The following PCNX4 variants were observed in gnomAD, a reference collection of about 807,000 sequenced individuals.
PCNX4 encodes pecanex-like protein 4.
Under a neutral mutation model 107.2 loss-of-function variants are expected in PCNX4, and 103 were observed. That is an observed-to-expected ratio of 0.96 (90% confidence interval 0.82 to 1.13). The LOEUF is 1.13. Among genes scored for constraint, PCNX4 ranks in the 50% most tolerant of loss-of-function variants. The pLI, the probability that PCNX4 is intolerant of heterozygous loss-of-function variation, is 0.00. For synonymous variants in PCNX4, 541 were observed against 481.7 expected (o/e 1.12, Z -1.61); for missense variants, 1,528 against 1,379.4 (o/e 1.11, Z -1.71).
At position 60,124,867 on chromosome 14, in the gene PCNX4, T is replaced by C. The variant is rs1213063833; in HGVS notation, c.2696T>C (p.Leu899Pro). The stretch of plus-strand genomic sequence containing the variant: ...CAAGAGGACATGCCATATATTCCTC[T>C]CATGGAGTTCAGTTGTTCACATTCT... Reference protein sequence around the residue: ...GKQEDMPYIPLMEFSCSHSHL... With the variant: ...GKQEDMPYIPPMEFSCSHSHL... Residue 899 changes from leucine to proline, a missense_variant, in exon 9 of 11, where the codon CTC (leucine) becomes CCC (proline). Physicochemically the swap from Leu to Pro is moderately conservative, Grantham distance 98. Coordinates refer to ENST00000406854, the MANE Select transcript of PCNX4 (RefSeq NM_001330177.2). 6 of 1,613,716 alleles carry C rather than the reference T, an allele frequency of 3.7e-6. No individual in the cohort carries two copies. Among genetic ancestry groups the C allele is most frequent in the Admixed American group, 1.7e-5 (1 of 59,986 alleles).
At chr14:60,096,640 T>G (rs1381430980) in intron 1 of PCNX4, among the ~76,000 whole-genome samples, 1 of 152,208 alleles carries the variant, frequency 6.6e-6, no homozygotes, top group African/African-American at 2.4e-5. Flanking sequence ...AATAAATAAC[T>G]GATCATTGGC....
At position 60,139,030 on chromosome 14, in the gene PCNX4, G is replaced by A. The variant is rs1896274303; in HGVS notation, c.*4809G>A. 1 of 151,938 alleles carries A rather than the reference G, an allele frequency of 6.6e-6. No individual in the cohort carries two copies. Among genetic ancestry groups the A allele is most frequent in the Non-Finnish European group, 1.5e-5 (1 of 67,922 alleles). 9.4% of individuals were successfully genotyped at this position (151,938 alleles called of 1,614,324 possible). A position where few individuals can be genotyped will look rare whatever the true frequency, so the allele number is the denominator to read the frequency against. Reference sequence around the variant, plus strand: ...ATCGTAGAACTACAAAGCTAATACAGGGCTAAAGTGGAATAATAAGGCAAA... The same window carrying A: ...ATCGTAGAACTACAAAGCTAATACAAGGCTAAAGTGGAATAATAAGGCAAA... On this transcript the variant is annotated 3_prime_UTR_variant, in exon 11 of 11. Coordinates refer to ENST00000406854, the MANE Select transcript of PCNX4 (RefSeq NM_001330177.2).
At chr14:60,101,392 A>G (rs187288956) in intron 1 of PCNX4, among the ~76,000 whole-genome samples, 14 of 152,182 alleles carry the variant, frequency 9.2e-5, no homozygotes, top group African/African-American at 2.9e-4. Flanking sequence ...TTCATCAACA[A>G]TTTCATAAAA....
chr14:60,102,587 G>C (rs932023332), intron 1 of PCNX4, among the ~76,000 whole-genome samples: 1 of 152,138 alleles, frequency 6.6e-6, no homozygotes, highest in African/African-American at 2.4e-5. Context: ...TGGCTATTTT[G>C]TTGGCCCACT....
Position 60,118,517 on chromosome 14 carries a change from C to G in PCNX4, c.1767C>G (p.Pro589=). 6.2e-7 allele frequency: 1 copy of G among 1,613,818 alleles called. No individual in the cohort carries two copies. The highest frequency in any genetic ancestry group is 8.5e-7 in the Non-Finnish European group (1 of 1,179,838). The part of the protein sequence containing the change: ...IIVFSTLLSS[P]LLPLFTLPVF... ...TTTTTTCTACACTACTCTCTTCTCCCTTACTCCCTCTTTTCACCCTTCCTG... is the reference window on the plus strand; with the variant it reads ...TTTTTTCTACACTACTCTCTTCTCCGTTACTCCCTCTTTTCACCCTTCCTG... Residue 589 remains proline (P), a synonymous_variant, in exon 7 of 11, where the codon CCC becomes CCG. Coordinates refer to ENST00000406854, the MANE Select transcript of PCNX4 (RefSeq NM_001330177.2).
chr14:60,123,158 A>G (rs1277649999), intron 8 of PCNX4, among the ~76,000 whole-genome samples: 1 of 152,138 alleles, frequency 6.6e-6, no homozygotes, highest in Non-Finnish European at 1.5e-5. Context: ...TTTAAAAATG[A>G]TATGGTTTAA....
chr14:60,115,580 A>G, intron 4 of PCNX4, 119 bp downstream of exon 4: 2 of 1,391,574 alleles, frequency 1.4e-6, no homozygotes, highest in Non-Finnish European at 1.9e-6. Context: ...TTGTTCTTTT[A>G]TGTTATGGTT....
Position 60,136,216 on chromosome 14 carries a change from T to G in PCNX4, c.*1995T>G, listed in dbSNP as rs965947420. The G allele has an allele frequency of 2.0e-5, 3 of 152,244 alleles. No homozygotes were observed. The highest frequency in any genetic ancestry group is 7.2e-5 in the African/African-American group (3 of 41,464). The allele number at this position is 152,244 out of a possible 1,614,324, so 9.4% of individuals were successfully genotyped here. A position where few individuals can be genotyped will look rare whatever the true frequency, so the allele number is the denominator to read the frequency against. ...TCCTTGAAGCAGCTTTTGTGTTTTC[T>G]TTTGAACTTTCCTGACACTACATTA... On this transcript the variant is annotated 3_prime_UTR_variant, in exon 11 of 11. Transcript: ENST00000406854.
rs1896352753 is a variant in PCNX4 at position 60,144,695 on chromosome 14, A to C, written c.*10474A>C. 2 of 333,378 alleles carry C rather than the reference A, an allele frequency of 6.0e-6. No individual in the cohort carries two copies. The highest frequency in any genetic ancestry group is 1.4e-4 in the East Asian group (2 of 14,268). The allele number at this position is 333,378 out of a possible 1,614,324, so 20.7% of individuals were successfully genotyped here. ...TAGCAGCACAAATGGACTAAGACAA[A>C]TCTGTTAACTTAGATTTTAAGCATA... On this transcript the variant is annotated 3_prime_UTR_variant, in exon 11 of 11. Transcript: ENST00000406854.
rs953651299 is a variant in PCNX4 at position 60,142,787 on chromosome 14, A to C, written c.*8566A>C. 1 of 152,042 alleles carries C rather than the reference A, an allele frequency of 6.6e-6. No homozygotes were observed. The highest frequency in any genetic ancestry group is 1.5e-5 in the Non-Finnish European group (1 of 68,144). 9.4% of individuals were successfully genotyped at this position (152,042 alleles called of 1,614,324 possible). ...AGACCAGCCTGGCCAACATGGTGAA[A>C]CCCCCGTCTCTACTAAAAATACAAA... On this transcript the variant is annotated 3_prime_UTR_variant, in exon 11 of 11. Transcript: ENST00000406854. The surrounding 1 kb of genome is among the most constrained non-coding windows in gnomAD (Gnocchi z 4.7).
At chr14:60,097,633 G>C (rs2140528211) in intron 1 of PCNX4, among the ~76,000 whole-genome samples, 1 of 152,236 alleles carries the variant, frequency 6.6e-6, no homozygotes, top group South Asian at 2.1e-4. Context: ...CCTAGTAAGA[G>C]ACTGCTGAAA....
At chr14:60,123,406 T>A (rs1018006417) in intron 8 of PCNX4, among the ~76,000 whole-genome samples, 2 of 152,056 alleles carry the variant, frequency 1.3e-5, no homozygotes, top group African/African-American at 4.8e-5. Context: ...TCAGAGAGGG[T>A]AGGTGACCTG....
chr14:60,145,228 T>A lies in PCNX4; in HGVS notation c.*11007T>A. On this transcript the variant is annotated 3_prime_UTR_variant, in exon 11 of 11. Coordinates refer to ENST00000406854, the MANE Select transcript of PCNX4 (RefSeq NM_001330177.2). This position sits in a 1 kb window ranked among gnomAD's most constrained non-coding sequence, Gnocchi z 4.0. The stretch of plus-strand genomic sequence containing the variant: ...CTTCTAATGAGTTTAGCATCATCTC[T>A]GGTTTAGAGGAGGTATAAATAGCAT... The A allele has an allele frequency of 2.5e-6, 1 of 401,010 alleles. No homozygotes were observed. The highest frequency in any genetic ancestry group is 4.0e-5 in the East Asian group (1 of 24,880). The allele number at this position is 401,010 out of a possible 1,614,324, so 24.8% of individuals were successfully genotyped here.
rs1346886810 is a variant in PCNX4 at position 60,124,386 on chromosome 14, G to A, written c.2215G>A (p.Ala739Thr). Residue 739 changes from alanine (A) to threonine (T), a missense_variant, in exon 9 of 11, where the codon GCC becomes ACC. Transcript: ENST00000406854. Reference protein sequence around the residue: ...TVLPVKLYSDARNVLSGIIDS... With the variant: ...TVLPVKLYSDTRNVLSGIIDS... ...TTTGCCTGTGAAATTGTATTCTGAT[G>A]CCAGGAATGTTCTATCAGGCATAAT... 19 of 1,613,408 alleles carry A rather than the reference G, an allele frequency of 1.2e-5. No individual in the cohort carries two copies. Among genetic ancestry groups the A allele is most frequent in the Non-Finnish European group, 1.5e-5 (18 of 1,179,632 alleles).
rs1896328861 is a variant in PCNX4, at chr14:60,143,333, C to A, written c.*9112C>A. On this transcript the variant is annotated 3_prime_UTR_variant, in exon 11 of 11. Coordinates refer to ENST00000406854, the MANE Select transcript of PCNX4 (RefSeq NM_001330177.2). ...TGTGGCATTCTAGAATTATTCCAAT[C>A]TTTTCATTCTTATAATTGGTGTGTT... 6.6e-6 allele frequency: 1 copy of A among 152,162 alleles called. No homozygotes were observed. The highest frequency in any genetic ancestry group is 2.4e-5 in the African/African-American group (1 of 41,438). 9.4% of individuals were successfully genotyped at this position (152,162 alleles called of 1,614,324 possible).
At chr14:60,125,866 A>G in intron 10 of PCNX4, 43 bp downstream of exon 10, 1 of 1,286,912 alleles carries the variant, frequency 7.8e-7, no homozygotes, top group Non-Finnish European at 1.1e-6. Flanking sequence ...CTAACCTTAA[A>G]GAATGGATAT....
At chr14:60,127,039 AG>A (rs1808225203) in intron 10 of PCNX4, among the ~76,000 whole-genome samples, 1 of 152,320 alleles carries the variant, frequency 6.6e-6, no homozygotes, top group East Asian at 1.9e-4. Flanking sequence ...CAACAACAAA[AG>A]CTCTGAATCT....
At position 60,145,401 on chromosome 14, in the gene PCNX4, A is replaced by G. The variant is rs410047; in HGVS notation, c.*11180A>G. Reference sequence around the variant, plus strand: ...TAACTCTTTAAAATTATTTGTGGCCAGGCAGGCACTGTGGCTCATGCCTGT... The same window carrying G: ...TAACTCTTTAAAATTATTTGTGGCCGGGCAGGCACTGTGGCTCATGCCTGT... On this transcript the variant is annotated 3_prime_UTR_variant, in exon 11 of 11. Coordinates refer to ENST00000406854, the MANE Select transcript of PCNX4 (RefSeq NM_001330177.2). This position sits in a 1 kb window ranked among gnomAD's most constrained non-coding sequence, Gnocchi z 4.0. 0.27 allele frequency: 41,541 copies of G among 153,316 alleles called. 7,668 individuals carry two copies. Among genetic ancestry groups the G allele is most frequent in the African/African-American group, 0.52 (21,513 of 41,466 alleles). The allele number at this position is 153,316 out of a possible 1,614,324, so 9.5% of individuals were successfully genotyped here.
rs1390016535 is a variant in PCNX4, at chr14:60,137,942, AT to A, written c.*3722del. On this transcript the variant is annotated 3_prime_UTR_variant, in exon 11 of 11. Coordinates refer to ENST00000406854, the MANE Select transcript of PCNX4 (RefSeq NM_001330177.2). ...ATCTGTAGTAAAAATAAAAAAAAAA[AT>A]AACCGGGTGTGGTGGTGGGTGCCTG... 3.3e-5 allele frequency: 5 copies of A among 151,860 alleles called. No homozygotes were observed. The highest frequency in any genetic ancestry group is 2.6e-4 in the Admixed American group (4 of 15,242). The allele number at this position is 151,860 out of a possible 1,614,324, so 9.4% of individuals were successfully genotyped here.
Sources: gnomAD v4.1 joint callset for allele counts (sites outside exome capture counted in the v4.1 genomes callset) on GRCh38, gnomAD v4.1.1 for gene constraint, Gnocchi (gnomAD v3.1) non-coding constraint, MANE v1.5 for transcripts, NCBI Gene and HGNC (gene_info 2026-07-23, HGNC 2026-07-21) for gene names.